The following KHDRBS2 variants were observed in gnomAD, a reference collection of about 807,000 sequenced individuals.
KHDRBS2 encodes the protein KH RNA binding domain containing, signal transduction associated 2, also known as KH domain-containing, RNA-binding, signal transduction-associated protein 2.
In KHDRBS2, 26 loss-of-function variants were observed where a neutral mutation model predicts 44.3. The ratio of observed to expected loss-of-function variants is 0.59; its 90% CI spans 0.43 to 0.81. The LOEUF is 0.81. KHDRBS2 is among the 40% of genes least tolerant of loss of function. KHDRBS2 has a pLI of 0.00. For missense variants in KHDRBS2, 476 were observed against 433.1 expected (o/e 1.10, Z -0.88); for synonymous variants, 194 against 151.1 (o/e 1.28, Z -2.08).
At chr6:61,601,085 T>G in the KHDRBS2 span, among the ~76,000 whole-genome samples, 4 of 152,124 alleles carry the variant, frequency 2.6e-5, no homozygotes, top group Non-Finnish European at 5.9e-5. Flanking sequence ...TCACCCACAT[T>G]CCCTTGGTGG....
intron 1 of KHDRBS2, among the ~76,000 whole-genome samples, chr6:62,247,975 T>C (rs1212248916): frequency 6.6e-6 from 1 of 152,122 alleles, no homozygotes; most frequent in African/African-American, 2.4e-5. Flanking sequence ...AATGGAATAG[T>C]AGTCGAAAAC....
chr6:62,093,182 A>C (rs1355900326), intron 2 of KHDRBS2, among the ~76,000 whole-genome samples: 1 of 151,912 alleles, frequency 6.6e-6, no homozygotes, highest in Non-Finnish European at 1.5e-5. Context: ...AAAACAGGAT[A>C]AAACTAAGAA....
chr6:61,988,304 C>A (rs1006180390), intron 3 of KHDRBS2, among the ~76,000 whole-genome samples: 1 of 152,174 alleles, frequency 6.6e-6, no homozygotes, highest in Non-Finnish European at 1.5e-5. Context: ...GTTGATAGGT[C>A]TTCACTCTGA....
chr6:61,670,622 T>C, the KHDRBS2 span, among the ~76,000 whole-genome samples: 1 of 151,530 alleles, frequency 6.6e-6, no homozygotes, highest in South Asian at 2.1e-4. Flanking sequence ...ACAGACTTTA[T>C]TTAATGGTCT....
chr6:61,856,647 A>T (rs1796197274), intron 6 of KHDRBS2, among the ~76,000 whole-genome samples: 1 of 151,918 alleles, frequency 6.6e-6, no homozygotes, highest in South Asian at 2.1e-4. Context: ...TTGGAAGAAG[A>T]TTTAGAAAGT....
At chr6:62,011,207 GAGC>G (rs1258284371) in intron 3 of KHDRBS2, among the ~76,000 whole-genome samples, 1 of 152,056 alleles carries the variant, frequency 6.6e-6, no homozygotes, top group Non-Finnish European at 1.5e-5. Flanking sequence ...AAAACTCAAG[GAGC>G]ACCTAGAATT....
intron 8 of KHDRBS2, among the ~76,000 whole-genome samples, chr6:61,683,005 G>A (rs1381421628): frequency 1.3e-5 from 2 of 151,808 alleles, no homozygotes; most frequent in East Asian, 2.0e-4. Context: ...AATTTATCAT[G>A]GTTTTTAACA....
intron 2 of KHDRBS2, among the ~76,000 whole-genome samples, chr6:62,092,999 G>T (rs1799766703): frequency 6.6e-6 from 1 of 151,896 alleles, no homozygotes; most frequent in Non-Finnish European, 1.5e-5. Flanking sequence ...TTAATACTGG[G>T]AAATCAATGG....
At chr6:61,782,840 G>A (rs1364133511) in intron 6 of KHDRBS2, among the ~76,000 whole-genome samples, 6 of 151,038 alleles carry the variant, frequency 4.0e-5, no homozygotes, top group Non-Finnish European at 8.9e-5. Context: ...CAAACTGATG[G>A]TTGGGTCCAC....
At chr6:61,978,293 G>T in intron 3 of KHDRBS2, 81 bp from the exon 4 acceptor site, 1 of 1,123,336 alleles carries the variant, frequency 8.9e-7, no homozygotes, top group Non-Finnish European at 1.2e-6. Context: ...TGACAAAGGT[G>T]TATAATTTAA....
chr6:61,806,990 C>A (rs1405180632), intron 6 of KHDRBS2, among the ~76,000 whole-genome samples: 3 of 151,928 alleles, frequency 2.0e-5, no homozygotes, highest in Non-Finnish European at 4.4e-5. Flanking sequence ...CTTGAAATAT[C>A]CCCTTCTTGT....
chr6:62,073,951 C>G (rs1299776241), intron 2 of KHDRBS2, among the ~76,000 whole-genome samples: 2 of 151,822 alleles, frequency 1.3e-5, no homozygotes, highest in Admixed American at 6.6e-5. Context: ...TCCTGCACTA[C>G]TGCACCAGAA....
intron 4 of KHDRBS2, among the ~76,000 whole-genome samples, chr6:61,959,206 G>C (rs1768090427): frequency 6.6e-6 from 1 of 152,136 alleles, no homozygotes; most frequent in African/African-American, 2.4e-5. Flanking sequence ...GTTAAGAATA[G>C]AAAATATTGA....
intron 6 of KHDRBS2, among the ~76,000 whole-genome samples, chr6:61,838,040 A>C (rs560872529): frequency 1.3e-5 from 2 of 152,170 alleles, no homozygotes; most frequent in South Asian, 2.1e-4. Context: ...AGGACTAATA[A>C]AATAGAAAGG....
At chr6:61,818,025 T>C (rs1616414) in intron 6 of KHDRBS2, among the ~76,000 whole-genome samples, 23,725 of 151,898 alleles carry the variant, frequency 0.16, 2,460 homozygotes, top group South Asian at 0.27. Flanking sequence ...TCTCCCGTCT[T>C]AAAACCCAGA....
intron 6 of KHDRBS2, among the ~76,000 whole-genome samples, chr6:61,773,646 A>C (rs900008837): frequency 1.1e-4 from 16 of 149,766 alleles, no homozygotes; most frequent in Non-Finnish European, 1.3e-4. Context: ...TCTTTAGTTT[A>C]ATTAGATCCC....
At chr6:61,842,303 G>C (rs568089492) in intron 6 of KHDRBS2, among the ~76,000 whole-genome samples, 1 of 152,302 alleles carries the variant, frequency 6.6e-6, no homozygotes, top group African/African-American at 2.4e-5. Flanking sequence ...GGTTGCTGCT[G>C]TGTAGGCTGA....
intron 1 of KHDRBS2, among the ~76,000 whole-genome samples, chr6:62,282,598 T>A (rs1165940262): frequency 6.6e-6 from 1 of 152,102 alleles, no homozygotes; most frequent in Non-Finnish European, 1.5e-5. Flanking sequence ...GTATATACAT[T>A]TTTGGCCTCA....
At chr6:61,977,743 T>A (rs1224487371) in intron 4 of KHDRBS2, among the ~76,000 whole-genome samples, 3 of 152,124 alleles carry the variant, frequency 2.0e-5, no homozygotes, top group Admixed American at 6.6e-5. Flanking sequence ...TTTCAAGTGA[T>A]GGAGATGCAA....
Sources: gnomAD v4.1 joint callset for allele counts (sites outside exome capture counted in the v4.1 genomes callset) on GRCh38, gnomAD v4.1.1 for gene constraint, MANE v1.5 for transcripts, NCBI Gene and HGNC (gene_info 2026-07-23, HGNC 2026-07-21) for gene names.